Variants in KCNH7 observed in about 807,000 individuals in gnomAD.
KCNH7 encodes the protein potassium voltage-gated channel subfamily H member 7, also known as voltage-gated inwardly rectifying potassium channel KCNH7.
Under a neutral mutation model 120.8 loss-of-function variants are expected in KCNH7, and 49 were observed. That is an observed-to-expected ratio of 0.41 (90% CI 0.32 to 0.51). The LOEUF is 0.51. Ranked by LOEUF, KCNH7 falls within the 20% of genes least tolerant of loss-of-function variation. The pLI is 0.38. For missense variants in KCNH7, 1,097 were observed against 1,446.6 expected (o/e 0.76, Z 3.92); for synonymous variants, 547 against 516.1 (o/e 1.06, Z -0.81).
At chr2:162,799,017 C>T (rs1684246333) in intron 2 of KCNH7, among the ~76,000 whole-genome samples, 1 of 151,942 alleles carries the variant, frequency 6.6e-6, no homozygotes, top group Non-Finnish European at 1.5e-5. Context: ...TCTAAATGGC[C>T]ATTTATGATT....
At chr2:162,570,418 G>A (rs1261709982) in intron 2 of KCNH7, among the ~76,000 whole-genome samples, 3 of 151,816 alleles carry the variant, frequency 2.0e-5, no homozygotes, top group Non-Finnish European at 4.4e-5. Flanking sequence ...TTGAGCCTAT[G>A]TGTGTCTCTG....
chr2:162,384,495 G>T (rs531026079), intron 13 of KCNH7, among the ~76,000 whole-genome samples, 193 bp downstream of exon 13: 1 of 152,000 alleles, frequency 6.6e-6, no homozygotes, highest in South Asian at 2.1e-4. Flanking sequence ...TAAGTGTTTG[G>T]GAATAATTAC....
In KCNH7 at chr2:162,747,726, A is replaced by G. The variant is rs540267522; in HGVS notation, c.307+88811T>C. 2.6e-5 allele frequency among the ~76,000 whole-genome samples: 4 copies of G among 152,350 alleles called. No individual in the cohort carries two copies. In the East Asian group the frequency reaches 7.7e-4, roughly 29 times the overall value. On this transcript the variant is annotated intron_variant, in intron 2 of 15. Coordinates refer to ENST00000332142, the MANE Select transcript of KCNH7 (RefSeq NM_033272.4). The stretch of plus-strand genomic sequence containing the variant: ...TGAAAGCTAGCAAAACTAACCAGGT[A>G]GTTTGATGTTATGACTTCTATTATA...
rs192050616 is a variant in KCNH7 at position 162,661,233 on chromosome 2, T to A, written c.308-124153A>T. Among the ~76,000 whole-genome samples, 196 of 152,246 alleles carry A rather than the reference T, an allele frequency of 1.3e-3. 2 individuals carry two copies. The highest frequency in any genetic ancestry group is 2.0e-3 in the Non-Finnish European group (136 of 68,010). On this transcript the variant is annotated intron_variant, in intron 2 of 15. Transcript: ENST00000332142. ...AATGCAAACTCTTTGGGTCTTCACC[T>A]GTTAGGAAAAATAAAATCAATTTTT... is the stretch of plus-strand genomic sequence containing the variant.
intron 9 of KCNH7, among the ~76,000 whole-genome samples, chr2:162,419,060 G>A (rs1490522599): frequency 6.6e-6 from 1 of 151,546 alleles, no homozygotes; most frequent in Admixed American, 6.6e-5. Context: ...GCTTGACCTA[G>A]GAAACTGAAC....
chr2:162,729,318 A>C (rs1687639215), intron 2 of KCNH7, among the ~76,000 whole-genome samples: 1 of 152,036 alleles, frequency 6.6e-6, no homozygotes, highest in South Asian at 2.1e-4. Context: ...GGCGCCCGAC[A>C]CCACGCCCGG....
intron 2 of KCNH7, among the ~76,000 whole-genome samples, chr2:162,608,920 G>A (rs941849303): frequency 2.6e-5 from 4 of 152,128 alleles, no homozygotes; most frequent in Non-Finnish European, 2.9e-5. Flanking sequence ...AGGAGGTGCT[G>A]TTTCACCAAC....
At chr2:162,811,067 T>C (rs768322170) in intron 2 of KCNH7, among the ~76,000 whole-genome samples, 1 of 152,142 alleles carries the variant, frequency 6.6e-6, no homozygotes. Context: ...GCAACTCTTA[T>C]GATGAATGGC....
At chr2:162,792,104 T>A (rs1262541052) in intron 2 of KCNH7, among the ~76,000 whole-genome samples, 1 of 152,162 alleles carries the variant, frequency 6.6e-6, no homozygotes, top group African/African-American at 2.4e-5. Flanking sequence ...TTAGTTATGT[T>A]GAACCAAACT....
At chr2:162,530,413 T>C (rs1418549126) in intron 3 of KCNH7, among the ~76,000 whole-genome samples, 1 of 152,016 alleles carries the variant, frequency 6.6e-6, no homozygotes, top group Non-Finnish European at 1.5e-5. Flanking sequence ...AACCTTTTTC[T>C]TATTACTGTC....
At chr2:162,375,952 C>CTTTACTCA (rs1372815507) in intron 14 of KCNH7, among the ~76,000 whole-genome samples, 1 of 150,736 alleles carries the variant, frequency 6.6e-6, no homozygotes, top group Non-Finnish European at 1.5e-5. Context: ...AAATAGCCTG[C>CTTTACTCA]TTTACTCAGG....
chr2:162,418,299 G>T (rs1032555548), intron 9 of KCNH7, among the ~76,000 whole-genome samples: 1 of 152,014 alleles, frequency 6.6e-6, no homozygotes, highest in Admixed American at 6.6e-5. Context: ...GGATTATCTG[G>T]ATATGAGGGC....
chr2:162,756,247 C>A (rs1347840785), intron 2 of KCNH7, among the ~76,000 whole-genome samples: 1 of 152,038 alleles, frequency 6.6e-6, no homozygotes, highest in Non-Finnish European at 1.5e-5. Flanking sequence ...CTTATAGAAA[C>A]AACCAAAAGA....
chr2:162,481,691 C>T (rs919113282), intron 6 of KCNH7, among the ~76,000 whole-genome samples: 4 of 152,142 alleles, frequency 2.6e-5, no homozygotes, highest in African/African-American at 9.7e-5. Flanking sequence ...ATAAATGTCA[C>T]ATGAATGAAT....
chr2:162,638,600 T>A (rs1351329489), intron 2 of KCNH7, among the ~76,000 whole-genome samples: 1 of 151,980 alleles, frequency 6.6e-6, no homozygotes, highest in Non-Finnish European at 1.5e-5. Flanking sequence ...AAAATCAAAG[T>A]CGAAAGAAGC....
At chr2:162,554,304 A>G (rs1484315688) in intron 2 of KCNH7, among the ~76,000 whole-genome samples, 12 of 152,198 alleles carry the variant, frequency 7.9e-5, no homozygotes, top group Non-Finnish European at 1.6e-4. Context: ...TACTCTGCAA[A>G]TAGAATAGAT....
chr2:162,674,711 G>C (rs1447109122), intron 2 of KCNH7, among the ~76,000 whole-genome samples: 1 of 151,494 alleles, frequency 6.6e-6, no homozygotes, highest in African/African-American at 2.4e-5. Flanking sequence ...AATGGCTATA[G>C]AACAGAAAAG....
At chr2:162,704,486 T>A (rs1354638549) in intron 2 of KCNH7, among the ~76,000 whole-genome samples, 1 of 152,232 alleles carries the variant, frequency 6.6e-6, no homozygotes, top group Non-Finnish European at 1.5e-5. Context: ...ATCTGTTTTA[T>A]GAGTTTTATG....
chr2:162,485,104 C>G (rs1251152035), intron 6 of KCNH7, among the ~76,000 whole-genome samples: 1 of 152,040 alleles, frequency 6.6e-6, no homozygotes, highest in Non-Finnish European at 1.5e-5. Context: ...AATAAGCAAA[C>G]AAAAAAGTTT....
Sources: allele counts gnomAD v4.1 joint callset (sites outside exome capture counted in the v4.1 genomes callset), GRCh38; gene constraint gnomAD v4.1.1; transcripts MANE v1.5; gene names NCBI Gene and HGNC (gene_info 2026-07-23, HGNC 2026-07-21).